Variants in UVRAG observed in about 807,000 individuals in gnomAD.
UVRAG encodes UV radiation resistance associated, also known as UV radiation resistance-associated gene protein.
A neutral mutation model predicts 78.0 loss-of-function variants in UVRAG; 19 were observed. The observed-to-expected ratio is 0.24, with a 90% confidence interval of 0.17 to 0.36. The LOEUF is 0.36. UVRAG is among the 10% of genes least tolerant of loss of function. UVRAG has a pLI of 1.00. For missense variants in UVRAG, 740 were observed against 853.8 expected (o/e 0.87, Z 1.66); for synonymous variants, 323 against 324.6 (o/e 1.00, Z 0.05).
intron 3 of UVRAG, among the ~76,000 whole-genome samples, chr11:75,876,784 T>C (rs1318210107): frequency 6.7e-6 from 1 of 149,264 alleles, no homozygotes; most frequent in African/African-American, 2.5e-5. Flanking sequence ...AATATGAAAA[T>C]TGGTAATAGG....
chr11:75,975,649 A>G (rs1949223437), intron 7 of UVRAG, among the ~76,000 whole-genome samples: 2 of 152,180 alleles, frequency 1.3e-5, no homozygotes, highest in South Asian at 2.1e-4. Context: ...GAGTTCACTC[A>G]TGATTTGGCT....
At chr11:75,929,597 G>A (rs914033365) in intron 6 of UVRAG, among the ~76,000 whole-genome samples, 6 of 152,136 alleles carry the variant, frequency 3.9e-5, no homozygotes, top group African/African-American at 1.4e-4. Flanking sequence ...ATGTTGGTGA[G>A]GGAGAGAAAT....
At chr11:75,847,698 A>G (rs1005029811) in intron 1 of UVRAG, among the ~76,000 whole-genome samples, 1 of 151,958 alleles carries the variant, frequency 6.6e-6, no homozygotes, top group Non-Finnish European at 1.5e-5. Context: ...GCGACTGGGC[A>G]CGGTGGCTCA....
At chr11:75,997,779 G>GA (rs757634423) in intron 8 of UVRAG, among the ~76,000 whole-genome samples, 1 of 152,198 alleles carries the variant, frequency 6.6e-6, no homozygotes. Flanking sequence ...AGAACCATCA[G>GA]AGGCTTCAAG....
intron 8 of UVRAG, among the ~76,000 whole-genome samples, chr11:75,994,501 C>T (rs1221799704): frequency 6.6e-6 from 1 of 152,158 alleles, no homozygotes; most frequent in African/African-American, 2.4e-5. Context: ...TAAAACTTTG[C>T]AAAACATTCG....
At chr11:76,071,775 T>C (rs1193404659) in intron 13 of UVRAG, among the ~76,000 whole-genome samples, 1 of 151,940 alleles carries the variant, frequency 6.6e-6, no homozygotes, top group East Asian at 1.9e-4. Flanking sequence ...CATGAACTAG[T>C]GGACTGAACG....
At chr11:75,976,846 G>GT (rs1040878893) in intron 7 of UVRAG, among the ~76,000 whole-genome samples, 3 of 151,988 alleles carry the variant, frequency 2.0e-5, no homozygotes, top group African/African-American at 7.2e-5. Context: ...TTTTTTGAAG[G>GT]TTTTTTTGTG....
intron 12 of UVRAG, among the ~76,000 whole-genome samples, chr11:76,054,115 T>A (rs1370049267): frequency 6.6e-6 from 1 of 152,088 alleles, no homozygotes; most frequent in East Asian, 1.9e-4. Context: ...CCCCTCACAC[T>A]CTTTTTTTAA....
At chr11:76,022,517 T>C (rs1950263967) in intron 12 of UVRAG, among the ~76,000 whole-genome samples, 1 of 152,200 alleles carries the variant, frequency 6.6e-6, no homozygotes, top group South Asian at 2.1e-4. Flanking sequence ...GAATTGACCC[T>C]TTTATTGGTA....
intron 6 of UVRAG, among the ~76,000 whole-genome samples, chr11:75,927,965 G>A (rs1169670116): frequency 6.6e-6 from 1 of 152,132 alleles, no homozygotes; most frequent in East Asian, 1.9e-4. Flanking sequence ...AGCCAGGCTT[G>A]GTGGCACATG....
intron 13 of UVRAG, among the ~76,000 whole-genome samples, chr11:76,085,819 C>T (rs1193662696): frequency 6.6e-6 from 1 of 152,164 alleles, no homozygotes; most frequent in Non-Finnish European, 1.5e-5. Context: ...TCAAGGTAAG[C>T]AGGTTTGTCA....
chr11:75,858,048 T>C (rs12280456), intron 2 of UVRAG, among the ~76,000 whole-genome samples: 29,031 of 152,028 alleles, frequency 0.19, 4,107 homozygotes, highest in African/African-American at 0.4. Context: ...CACTTTTGCT[T>C]ATTGCTCTGT....
intron 5 of UVRAG, among the ~76,000 whole-genome samples, chr11:75,890,751 G>A (rs982603676): frequency 6.6e-6 from 1 of 152,172 alleles, no homozygotes; most frequent in African/African-American, 2.4e-5. Flanking sequence ...GATGGACTAG[G>A]AACAGGCAGT....
intron 5 of UVRAG, among the ~76,000 whole-genome samples, chr11:75,906,327 A>G (rs1018126914): frequency 6.6e-6 from 1 of 151,558 alleles, no homozygotes; most frequent in Non-Finnish European, 1.5e-5. Flanking sequence ...GGTTTTTTTT[A>G]GCTTTATAGT....
chr11:75,857,060 C>T (rs1946307333), intron 2 of UVRAG, among the ~76,000 whole-genome samples: 8 of 152,220 alleles, frequency 5.3e-5, no homozygotes, highest in Admixed American at 5.2e-4. Flanking sequence ...AACCTAATCA[C>T]TTCTTGCTAT....
At chr11:75,881,821 T>A (rs1946952122) in intron 4 of UVRAG, among the ~76,000 whole-genome samples, 1 of 152,242 alleles carries the variant, frequency 6.6e-6, no homozygotes. Context: ...TTATTATAAT[T>A]AATATTTATA....
At chr11:76,079,896 C>T (rs1951466585) in intron 13 of UVRAG, among the ~76,000 whole-genome samples, 1 of 152,152 alleles carries the variant, frequency 6.6e-6, no homozygotes, top group Admixed American at 6.5e-5. Context: ...CATTCGTTTT[C>T]TGCTGCTATA....
chr11:76,004,789 A>C (rs1949895913), intron 9 of UVRAG, among the ~76,000 whole-genome samples: 1 of 151,522 alleles, frequency 6.6e-6, no homozygotes, highest in African/African-American at 2.4e-5. Context: ...CATGCCTGGC[A>C]TTTTTATCTT....
chr11:75,910,099 G>T (rs1312720050), intron 5 of UVRAG, among the ~76,000 whole-genome samples: 1 of 152,106 alleles, frequency 6.6e-6, no homozygotes, highest in Admixed American at 6.6e-5. Flanking sequence ...ATGTTTCATA[G>T]TATGTCTGTT....
Sources: gnomAD v4.1 joint callset for allele counts (sites outside exome capture counted in the v4.1 genomes callset) on GRCh38, gnomAD v4.1.1 for gene constraint, MANE v1.5 for transcripts, NCBI Gene and HGNC (gene_info 2026-07-23, HGNC 2026-07-21) for gene names.